Variants in GLRB observed in about 807,000 individuals in gnomAD.
GLRB encodes the protein glycine receptor subunit beta.
Under a neutral mutation model 54.2 loss-of-function variants are expected in GLRB, and 33 were observed. The observed-to-expected ratio is 0.61, with a 90% confidence interval of 0.46 to 0.81. The LOEUF (loss-of-function observed/expected upper bound fraction) is 0.81. GLRB is among the 40% of genes least tolerant of loss of function. The pLI is 0.00. For missense variants in GLRB, 572 were observed against 584.6 expected (o/e 0.98, Z 0.22); for synonymous variants, 209 against 208.2 (o/e 1.00, Z -0.03).
chr4:157,159,848 T>A (rs963753441), intron 9 of GLRB, among the ~76,000 whole-genome samples: 6 of 152,124 alleles, frequency 3.9e-5, no homozygotes, highest in Non-Finnish European at 1.5e-5. Context: ...TTGGCCTCAT[T>A]AAATGAATTA....
chr4:157,132,889 A>G (rs1269731257), intron 4 of GLRB, among the ~76,000 whole-genome samples: 2 of 151,950 alleles, frequency 1.3e-5, no homozygotes, highest in African/African-American at 2.4e-5. Flanking sequence ...TACTTCATGT[A>G]TCTCTAGCCA....
chr4:157,109,805 T>C (rs1341362105), intron 2 of GLRB, among the ~76,000 whole-genome samples: 3 of 151,984 alleles, frequency 2.0e-5, no homozygotes, highest in Non-Finnish European at 4.4e-5. Flanking sequence ...TTTTTACCCA[T>C]TTATTGTGAA....
intron 9 of GLRB, among the ~76,000 whole-genome samples, chr4:157,153,969 C>A (rs767678859): frequency 2.0e-5 from 3 of 152,290 alleles, no homozygotes; most frequent in East Asian, 3.9e-4. Context: ...AGCAAAGGAA[C>A]CATGCTTGTA....
intron 9 of GLRB, among the ~76,000 whole-genome samples, chr4:157,157,731 G>GTC (rs1737290997): frequency 6.6e-6 from 1 of 152,154 alleles, no homozygotes; most frequent in South Asian, 2.1e-4. Context: ...TCTTAATCCA[G>GTC]TCTATCATTG....
At chr4:157,170,366 G>A (rs531185734) in intron 9 of GLRB, 66 bp from the exon 10 acceptor site, 80 of 913,900 alleles carry the variant, frequency 8.8e-5, no homozygotes, top group African/African-American at 7.2e-4. Flanking sequence ...TAAAAATATC[G>A]TTTGAAGAGA....
chr4:157,134,310 A>G (rs1037159929), intron 4 of GLRB, among the ~76,000 whole-genome samples: 1 of 151,984 alleles, frequency 6.6e-6, no homozygotes. Context: ...TAATCCTAGT[A>G]CTTTGTGAGA....
At chr4:157,160,637 C>G (rs533570598) in intron 9 of GLRB, among the ~76,000 whole-genome samples, 4 of 151,762 alleles carry the variant, frequency 2.6e-5, no homozygotes, top group African/African-American at 9.7e-5. Flanking sequence ...TGTAGTTGAG[C>G]GGTTTTGAGT....
chr4:157,082,082 C>T (rs535739334), intron 2 of GLRB, among the ~76,000 whole-genome samples: 2 of 152,284 alleles, frequency 1.3e-5, no homozygotes, highest in East Asian at 1.9e-4. Flanking sequence ...CCATGGGTCT[C>T]ATCCAAATTC....
Position 157,172,071 on chromosome 4 carries a change from G to A in GLRB, c.*1343G>A, listed in dbSNP as rs1385679604. 2.0e-5 allele frequency: 3 copies of A among 151,802 alleles called. No homozygotes were observed. Among genetic ancestry groups the A allele is most frequent in the African/African-American group, 7.2e-5 (3 of 41,392 alleles). The allele number at this position is 151,802 out of a possible 1,614,324, so 9.4% of individuals were successfully genotyped here. On this transcript the variant is annotated 3_prime_UTR_variant, in exon 10 of 10. Coordinates refer to ENST00000264428, the MANE Select transcript of GLRB (RefSeq NM_000824.5). ...TTTGTATGGCAAATTCAATAATAAAGTATTGTTTATGCAAATTGCCATATG... is the reference window on the plus strand; with the variant it reads ...TTTGTATGGCAAATTCAATAATAAAATATTGTTTATGCAAATTGCCATATG...
At chr4:157,167,810 C>T (rs1043213861) in intron 9 of GLRB, among the ~76,000 whole-genome samples, 1 of 152,148 alleles carries the variant, frequency 6.6e-6, no homozygotes, top group Admixed American at 6.5e-5. Context: ...TCAGAATCTG[C>T]TTCCAATGAG....
At chr4:157,114,377 T>C (rs889782102) in intron 2 of GLRB, among the ~76,000 whole-genome samples, 1 of 151,606 alleles carries the variant, frequency 6.6e-6, no homozygotes, top group African/African-American at 2.4e-5. Context: ...TATTTTAGAA[T>C]AGCTTTATAG....
rs1736502587 is a variant in GLRB at position 157,138,789 on chromosome 4, T to G, written c.611-20T>G. 1.6e-6 allele frequency: 2 copies of G among 1,248,916 alleles called. No individual in the cohort carries two copies. The highest frequency in any genetic ancestry group is 1.5e-5 in the African/African-American group (1 of 67,842). 77.4% of individuals were successfully genotyped at this position (1,248,916 alleles called of 1,614,324 possible). A position where few individuals can be genotyped will look rare whatever the true frequency, so the allele number is the denominator to read the frequency against. On this transcript the variant is annotated intron_variant, in intron 6 of 9. Coordinates refer to ENST00000264428, the MANE Select transcript of GLRB (RefSeq NM_000824.5). ...TATTAATTATATTTTAAACTAACATTTATTTGTTTTTGTTTATAGTTGGTT... is the reference window on the plus strand; with the variant it reads ...TATTAATTATATTTTAAACTAACATGTATTTGTTTTTGTTTATAGTTGGTT...
chr4:157,092,284 G>A (rs1184521643), intron 2 of GLRB, among the ~76,000 whole-genome samples: 3 of 152,146 alleles, frequency 2.0e-5, no homozygotes, highest in African/African-American at 7.2e-5. Context: ...CCTAGAATAA[G>A]CAATCAGTTT....
rs1453978474 is a variant in GLRB at position 157,078,057 on chromosome 4, T to C, written c.33T>C (p.Ile11=). The change falls in exon 2 of 10, where the codon ATT becomes ATC. Residue 11 remains isoleucine (I), a synonymous_variant. Transcript: ENST00000264428. MKFLLTTAFL[I]LISLWVEEAY... Reference sequence around the variant, plus strand: ...TTTTATTGACAACTGCCTTTTTAATTTTAATTTCCTTGTGGGTGGAAGAAG... The same window carrying C: ...TTTTATTGACAACTGCCTTTTTAATCTTAATTTCCTTGTGGGTGGAAGAAG... The C allele has an allele frequency of 6.2e-7, 1 of 1,611,578 alleles. No individual in the cohort carries two copies. The highest frequency in any genetic ancestry group is 1.7e-5 in the Admixed American group (1 of 59,978).
intron 2 of GLRB, among the ~76,000 whole-genome samples, chr4:157,113,366 T>C (rs1432246926): frequency 6.6e-6 from 1 of 151,922 alleles, no homozygotes; most frequent in East Asian, 1.9e-4. Flanking sequence ...TTTAACTCTT[T>C]ATGTCAAAGA....
intron 2 of GLRB, among the ~76,000 whole-genome samples, chr4:157,114,741 T>C (rs1735544697): frequency 6.6e-6 from 1 of 151,772 alleles, no homozygotes; most frequent in African/African-American, 2.4e-5. Flanking sequence ...TCAGATGGGA[T>C]TTATCGGATG....
intron 9 of GLRB, among the ~76,000 whole-genome samples, chr4:157,166,512 A>G (rs1579258168): frequency 6.6e-6 from 1 of 152,068 alleles, no homozygotes; most frequent in African/African-American, 2.4e-5. Flanking sequence ...CAACTACTTA[A>G]TGAACCATGA....
chr4:157,119,710 C>T (rs1204733184), intron 2 of GLRB, among the ~76,000 whole-genome samples: 2 of 151,602 alleles, frequency 1.3e-5, no homozygotes, highest in East Asian at 1.9e-4. Context: ...GTTAGAATGG[C>T]AATCATTAAA....
intron 4 of GLRB, among the ~76,000 whole-genome samples, chr4:157,132,826 G>A (rs1324835049): frequency 6.6e-6 from 1 of 151,884 alleles, no homozygotes; most frequent in Admixed American, 6.6e-5. Flanking sequence ...TTTAATCACT[G>A]AATTTAATCT....
Sources: allele counts gnomAD v4.1 joint callset (sites outside exome capture counted in the v4.1 genomes callset), GRCh38; gene constraint gnomAD v4.1.1; transcripts MANE v1.5; gene names NCBI Gene and HGNC (gene_info 2026-07-23, HGNC 2026-07-21).